Variants in IPO11 observed in about 807,000 individuals in gnomAD.
IPO11 encodes importin 11.
In IPO11, 66 loss-of-function variants were observed where a neutral mutation model predicts 143.2. That is an observed-to-expected ratio of 0.46 (90% CI 0.38 to 0.57). The LOEUF is 0.57. Among genes scored for constraint, IPO11 ranks in the 20% least tolerant of loss-of-function variants. The probability of loss-of-function intolerance (pLI) is 0.00; values close to 1 mark genes in which losing one functional copy is unlikely to be tolerated. For missense variants in IPO11, 1,026 were observed against 1,141.0 expected (o/e 0.90, Z 1.45); for synonymous variants, 385 against 377.8 (o/e 1.02, Z -0.22).
At chr5:62,571,670 G>A (rs930628624) in intron 27 of IPO11, among the ~76,000 whole-genome samples, 1 of 151,954 alleles carries the variant, frequency 6.6e-6, no homozygotes, top group African/African-American at 2.4e-5. Flanking sequence ...TATCCCTATG[G>A]GGATGGACAT....
chr5:62,609,595 G>T (rs1745857680), intron 29 of IPO11, among the ~76,000 whole-genome samples: 1 of 152,248 alleles, frequency 6.6e-6, no homozygotes, highest in Admixed American at 6.5e-5. Flanking sequence ...TCCTAGACCA[G>T]TGTAGAGACA....
At chr5:62,458,461 C>T (rs571489479) in intron 5 of IPO11, among the ~76,000 whole-genome samples, 137 of 152,198 alleles carry the variant, frequency 9.0e-4, no homozygotes, top group African/African-American at 3.0e-3. Context: ...CCGCTATGCC[C>T]GGCTAATTTT....
chr5:62,501,127 G>A (rs575070616), intron 16 of IPO11, among the ~76,000 whole-genome samples: 58 of 152,262 alleles, frequency 3.8e-4, no homozygotes, highest in South Asian at 1.7e-3. Context: ...TCTGGGCAGA[G>A]GTATTACAGG....
At chr5:62,413,770 C>T (rs1341899070) in intron 1 of IPO11, among the ~76,000 whole-genome samples, 1 of 152,208 alleles carries the variant, frequency 6.6e-6, no homozygotes, top group African/African-American at 2.4e-5. Flanking sequence ...GCTTTTCCCC[C>T]TCCTGGGATA....
chr5:62,486,476 A>G (rs566109876), intron 12 of IPO11, among the ~76,000 whole-genome samples: 2 of 152,238 alleles, frequency 1.3e-5, no homozygotes, highest in African/African-American at 4.8e-5. Flanking sequence ...TTACCACTTC[A>G]TGTGATTCTC....
intron 27 of IPO11, chr5:62,579,472 C>T (rs972604891): frequency 3.0e-5 from 47 of 1,550,644 alleles, no homozygotes; most frequent in South Asian, 4.8e-5. Context: ...GCCTTGCCTA[C>T]GACTGTTTCT....
chr5:62,561,358 T>A (rs905812340), intron 27 of IPO11, 101 bp downstream of exon 27: 2 of 509,142 alleles, frequency 3.9e-6, no homozygotes, highest in African/African-American at 1.9e-5. Context: ...CAGTGGTACT[T>A]TTATATATAT....
intron 20 of IPO11, among the ~76,000 whole-genome samples, chr5:62,524,806 A>G (rs372364136): frequency 2.6e-5 from 4 of 152,354 alleles, no homozygotes; most frequent in African/African-American, 9.6e-5. Context: ...AAAGGGGAAT[A>G]CATATATACT....
At chr5:62,470,674 A>G (rs1384638991) in intron 7 of IPO11, among the ~76,000 whole-genome samples, 4 of 151,862 alleles carry the variant, frequency 2.6e-5, no homozygotes, top group Non-Finnish European at 5.9e-5. Flanking sequence ...ATTTAAAATA[A>G]ATTTGTTTTT....
intron 9 of IPO11, 35 bp downstream of exon 9, chr5:62,476,788 A>T: frequency 6.8e-7 from 1 of 1,460,532 alleles, no homozygotes; most frequent in Non-Finnish European, 9.2e-7. Context: ...CTCAAATATA[A>T]TACACATATT....
chr5:62,419,500 G>A (rs370419032), intron 1 of IPO11, among the ~76,000 whole-genome samples: 6 of 152,194 alleles, frequency 3.9e-5, no homozygotes, highest in African/African-American at 1.4e-4. Context: ...TACACACAAG[G>A]TCAGGATCAT....
chr5:62,549,633 G>A (rs1743327150), intron 24 of IPO11, among the ~76,000 whole-genome samples: 1 of 152,140 alleles, frequency 6.6e-6, no homozygotes, highest in African/African-American at 2.4e-5. Flanking sequence ...CTGGAAGTGT[G>A]GGGTAAATGT....
intron 15 of IPO11, among the ~76,000 whole-genome samples, chr5:62,491,116 T>C (rs1223228062): frequency 1.3e-5 from 2 of 152,206 alleles, no homozygotes; most frequent in Non-Finnish European, 2.9e-5. Flanking sequence ...TTCACTTCAG[T>C]ATACCTGGGG....
Position 62,550,436 on chromosome 5 carries a change from G to A in IPO11, c.2320G>A (p.Val774Ile). The part of the protein sequence containing the change: ...PQMFQPILPY[V>I]FKGIIEGERY... ...AATGTTTCAACCGATTTTACCCTAT[G>A]TTTTCAAGGGTATTATAGAAGGGGA... The change falls in exon 25 of 30, where the codon GTT becomes ATT. Residue 774 changes from valine (V) to isoleucine (I), a missense_variant. By Grantham distance (29) the Val-to-Ile change is conservative (BLOSUM62 3). This residue lies in a region of IPO11 where 351 missense variants were observed against 358.9 expected (regional missense o/e 0.98). Transcript: ENST00000325324. The A allele has an allele frequency of 1.9e-6, 3 of 1,611,556 alleles. No individual in the cohort carries two copies. The highest frequency in any genetic ancestry group is 2.5e-6 in the Non-Finnish European group (3 of 1,178,288).
At chr5:62,552,403 G>A (rs1743419049) in intron 26 of IPO11, among the ~76,000 whole-genome samples, 1 of 150,752 alleles carries the variant, frequency 6.6e-6, no homozygotes, top group Non-Finnish European at 1.5e-5. Flanking sequence ...CCCTTGTTTT[G>A]ATAAATAAAT....
intron 29 of IPO11, among the ~76,000 whole-genome samples, chr5:62,606,020 TCCA>T (rs1745700985): frequency 6.6e-6 from 1 of 152,066 alleles, no homozygotes; most frequent in Admixed American, 6.6e-5. Flanking sequence ...TGTGAGCCAC[TCCA>T]CCCTCCCTAT....
At chr5:62,483,958 T>C (rs1580232665) in intron 10 of IPO11, 52 bp from the exon 11 acceptor site, 2 of 1,439,540 alleles carry the variant, frequency 1.4e-6, no homozygotes, top group East Asian at 4.8e-5. Context: ...CATAATCCAA[T>C]GTAGCTACAA....
At chr5:62,559,379 T>G (rs773004924) in intron 26 of IPO11, among the ~76,000 whole-genome samples, 125 of 152,146 alleles carry the variant, frequency 8.2e-4, no homozygotes, top group Non-Finnish European at 1.4e-3. Context: ...ACAAAATCAC[T>G]GAAACTTCAT....
At chr5:62,418,019 T>A (rs955586803) in intron 1 of IPO11, among the ~76,000 whole-genome samples, 7 of 152,180 alleles carry the variant, frequency 4.6e-5, no homozygotes, top group African/African-American at 1.7e-4. Context: ...TGAGACAGAA[T>A]TTCACTCGTA....
Sources: allele counts gnomAD v4.1 joint callset (sites outside exome capture counted in the v4.1 genomes callset), GRCh38; gene constraint gnomAD v4.1.1; regional missense constraint gnomAD v4.1.1; transcripts MANE v1.5; gene names NCBI Gene and HGNC (gene_info 2026-07-23, HGNC 2026-07-21).